FAR1: variants seen among roughly 807,000 people sequenced by gnomAD.
The protein encoded by FAR1 is male sterility domain-containing protein 2.
A neutral mutation model predicts 61.1 loss-of-function variants in FAR1; 22 were observed. The observed-to-expected ratio is 0.36, with a 90% CI of 0.26 to 0.51. FAR1 has a LOEUF of 0.51. Among genes scored for constraint, FAR1 ranks in the 20% least tolerant of loss-of-function variants. The pLI is 0.95. For synonymous variants in FAR1, 206 were observed against 209.7 expected (o/e 0.98, Z 0.15); for missense variants, 359 against 626.9 (o/e 0.57, Z 4.56).
At chr11:13,723,996 A>G (rs1029799262) in intron 10 of FAR1, among the ~76,000 whole-genome samples, 3 of 152,212 alleles carry the variant, frequency 2.0e-5, no homozygotes, top group Admixed American at 1.3e-4. Context: ...TGATTCTGCC[A>G]TCTATTACTT....
intron 2 of FAR1, among the ~76,000 whole-genome samples, chr11:13,698,959 G>T (rs1010888175): frequency 6.6e-6 from 1 of 152,054 alleles, no homozygotes. Context: ...TGCTTTTCCT[G>T]CATACTCTAT....
At chr11:13,701,677 CAG>C (rs1848377472) in intron 3 of FAR1, among the ~76,000 whole-genome samples, 1 of 152,052 alleles carries the variant, frequency 6.6e-6, no homozygotes, top group Non-Finnish European at 1.5e-5. Context: ...CAAAGCATTA[CAG>C]TGTGTTTTGC....
intron 4 of FAR1, among the ~76,000 whole-genome samples, chr11:13,708,439 G>A (rs968426235): frequency 9.6e-5 from 8 of 83,488 alleles, no homozygotes; most frequent in Middle Eastern, 5.0e-3. Context: ...ACATGTGCGC[G>A]CGCGCGCGCA....
Position 13,708,158 on chromosome 11 carries a change from T to A in FAR1, c.545+79T>A, listed in dbSNP as rs1591266430. ...GCGGGCGGATCATGAGGTCAGGAGT[T>A]CAAGAGCAGCCAGGCCAACATAGTG... On this transcript the variant is annotated intron_variant, in intron 4 of 11. Transcript: ENST00000354817. 4 of 998,276 alleles carry A rather than the reference T, an allele frequency of 4.0e-6. No individual in the cohort carries two copies. In the East Asian group the frequency reaches 1.1e-4, roughly 28 times the overall value. The allele number at this position is 998,276 out of a possible 1,614,324, so 61.8% of individuals were successfully genotyped here. A position where few individuals can be genotyped will look rare whatever the true frequency, so the allele number is the denominator to read the frequency against.
intron 3 of FAR1, among the ~76,000 whole-genome samples, chr11:13,703,719 G>T (rs950035201): frequency 6.6e-6 from 1 of 152,138 alleles, no homozygotes; most frequent in Non-Finnish European, 1.5e-5. Context: ...AAAATAGATA[G>T]GCTTAGGATT....
At chr11:13,690,278 ATATT>A (rs1168317951) in intron 1 of FAR1, among the ~76,000 whole-genome samples, 1 of 152,128 alleles carries the variant, frequency 6.6e-6, no homozygotes. Flanking sequence ...TGGAATTTAC[ATATT>A]TATGTATTCT....
At chr11:13,704,232 T>C (rs765018737) in intron 3 of FAR1, among the ~76,000 whole-genome samples, 3 of 151,822 alleles carry the variant, frequency 2.0e-5, no homozygotes, top group Non-Finnish European at 4.4e-5. Flanking sequence ...AACTGGAGAA[T>C]GTGAGGACAA....
In FAR1 at chr11:13,721,718, C is replaced by A. The variant is rs374972027; in HGVS notation, c.1128-12C>A. 4.9e-5 allele frequency: 79 copies of A among 1,604,014 alleles called. No homozygotes were observed. Among genetic ancestry groups the A allele is most frequent in the Non-Finnish European group, 6.1e-5 (72 of 1,176,696 alleles). On this transcript the variant is annotated splice_polypyrimidine_tract_variant and intron_variant, in intron 9 of 11. Coordinates refer to ENST00000354817, the MANE Select transcript of FAR1 (RefSeq NM_032228.6). The surrounding 1 kb of genome is among the most constrained non-coding windows in gnomAD (Gnocchi z 4.2). ...ACAAAATATGAATCTGTCCATTTTTCTTACAATACAGGATGATGAAAACAA... is the reference window on the plus strand; with the variant it reads ...ACAAAATATGAATCTGTCCATTTTTATTACAATACAGGATGATGAAAACAA...
chr11:13,672,593 G>A (rs764528455), intron 1 of FAR1, among the ~76,000 whole-genome samples: 2 of 151,390 alleles, frequency 1.3e-5, no homozygotes, highest in Non-Finnish European at 2.9e-5. Context: ...GTGGGGACAA[G>A]CATTCAACTG....
chr11:13,697,874 G>A (rs1389076267), intron 2 of FAR1, among the ~76,000 whole-genome samples: 1 of 152,056 alleles, frequency 6.6e-6, no homozygotes, highest in Non-Finnish European at 1.5e-5. Flanking sequence ...TTTCTCACTA[G>A]GTCCAGTGAG....
chr11:13,713,197 C>A, intron 8 of FAR1, 164 bp downstream of exon 8: 1 of 640,294 alleles, frequency 1.6e-6, no homozygotes, highest in Non-Finnish European at 2.8e-6. Flanking sequence ...ACCTTGTGGT[C>A]CTTAATAATG....
intron 4 of FAR1, among the ~76,000 whole-genome samples, chr11:13,708,449 A>G (rs2699446): frequency 0.092 from 6,503 of 70,332 alleles, 280 homozygotes; most frequent in African/African-American, 0.19. Flanking sequence ...GCGCGCGCGC[A>G]CACACACACA....
rs532410788 is a variant in FAR1, at chr11:13,689,471, G to A, written c.-7-5288G>A. On this transcript the variant is annotated intron_variant, in intron 1 of 11. Transcript: ENST00000354817. Reference sequence around the variant, plus strand: ...GAGATCCCTCCACATGTGTTTTAGCGATCGTTCCTTCATTTTTATTGTTTT... The same window carrying A: ...GAGATCCCTCCACATGTGTTTTAGCAATCGTTCCTTCATTTTTATTGTTTT... Among the ~76,000 whole-genome samples the A allele has an allele frequency of 5.3e-5, 8 of 152,210 alleles. No individual in the cohort carries two copies. In the South Asian group the frequency reaches 8.3e-4, roughly 16 times the overall value.
At chr11:13,682,177 C>T (rs1054677106) in intron 1 of FAR1, among the ~76,000 whole-genome samples, 1 of 152,130 alleles carries the variant, frequency 6.6e-6, no homozygotes, top group Non-Finnish European at 1.5e-5. Flanking sequence ...TTGTTTTGTT[C>T]ATGAAGATAT....
chr11:13,694,307 G>A (rs1848286358), intron 1 of FAR1, among the ~76,000 whole-genome samples: 1 of 152,120 alleles, frequency 6.6e-6, no homozygotes, highest in African/African-American at 2.4e-5. Flanking sequence ...GTTGATACGC[G>A]AATATGACAC....
intron 1 of FAR1, among the ~76,000 whole-genome samples, chr11:13,684,534 G>GC (rs1172221957): frequency 6.6e-6 from 1 of 152,146 alleles, no homozygotes; most frequent in African/African-American, 2.4e-5. Context: ...TAAAGAAACT[G>GC]CAGACCCAAA....
chr11:13,672,048 G>A (rs180708676), intron 1 of FAR1, among the ~76,000 whole-genome samples: 4 of 152,290 alleles, frequency 2.6e-5, no homozygotes, highest in African/African-American at 9.6e-5. Flanking sequence ...GACTCAGAAC[G>A]ATTGAGAAGA....
At chr11:13,715,235 C>A (rs1848543042) in intron 9 of FAR1, among the ~76,000 whole-genome samples, 1 of 152,080 alleles carries the variant, frequency 6.6e-6, no homozygotes, top group African/African-American at 2.4e-5. Flanking sequence ...ATGAGCTTTA[C>A]CTTTAGATTT....
chr11:13,715,671 T>C (rs1848547647), intron 9 of FAR1: 1 of 152,168 alleles, frequency 6.6e-6, no homozygotes, highest in South Asian at 2.1e-4. Flanking sequence ...CTTATCGTTG[T>C]TATAGCTTTT....
Sources: allele counts gnomAD v4.1 joint callset (sites outside exome capture counted in the v4.1 genomes callset), GRCh38; gene constraint gnomAD v4.1.1; non-coding constraint Gnocchi (gnomAD v3.1); transcripts MANE v1.5; gene names NCBI Gene and HGNC (gene_info 2026-07-23, HGNC 2026-07-21).